Variants in GALK2 observed in about 807,000 individuals in gnomAD.
The protein encoded by GALK2 is N-acetylgalactosamine kinase.
In GALK2, 36 loss-of-function variants were observed where a neutral mutation model predicts 52.4. The ratio of observed to expected loss-of-function variants is 0.69; its 90% confidence interval spans 0.53 to 0.91. The LOEUF is 0.91. Among genes scored for constraint, GALK2 ranks in the 40% least tolerant of loss-of-function variants. The probability of loss-of-function intolerance (pLI) is 0.00; values close to 1 mark genes in which losing one functional copy is unlikely to be tolerated. For missense variants in GALK2, 579 were observed against 559.1 expected, an observed-to-expected ratio of 1.04 and a Z score of -0.36; for synonymous variants, 176 against 199.1, an observed-to-expected ratio of 0.88 and a Z score of 0.98.
At position 49,238,291 on chromosome 15, in the gene GALK2, A is replaced by G. The variant is rs539820075; in HGVS notation, c.358-930A>G. ...CAAAGGTTATGATATGATATCATCC[A>G]AAGTGTCCTAGTGTTAGAAAGTAAT... is the stretch of plus-strand genomic sequence containing the variant. On this transcript the variant is annotated intron_variant, in intron 4 of 9. Coordinates refer to ENST00000560031, the MANE Select transcript of GALK2 (RefSeq NM_002044.4). Among the ~76,000 whole-genome samples the G allele has an allele frequency of 1.3e-4, 20 of 152,360 alleles. 1 individual carries two copies. The South Asian group carries it at 3.9e-3, about 30-fold the overall frequency.
intron 8 of GALK2, among the ~76,000 whole-genome samples, chr15:49,311,623 T>G (rs1333663491): frequency 6.6e-6 from 1 of 152,238 alleles, no homozygotes; most frequent in African/African-American, 2.4e-5. Flanking sequence ...TAGACTTCAC[T>G]GGTTTAATTC....
At chr15:49,200,235 T>A (rs1212139188) in intron 1 of GALK2, among the ~76,000 whole-genome samples, 1 of 152,160 alleles carries the variant, frequency 6.6e-6, no homozygotes, top group Admixed American at 6.5e-5. Flanking sequence ...AATTCTCAAA[T>A]TTTAGGGAAG....
intron 3 of GALK2, among the ~76,000 whole-genome samples, chr15:49,218,942 C>A (rs1166943472): frequency 6.6e-6 from 1 of 152,190 alleles, no homozygotes; most frequent in Non-Finnish European, 1.5e-5. Flanking sequence ...TCTCCCACTT[C>A]AGTCTCCGGA....
intron 3 of GALK2, among the ~76,000 whole-genome samples, chr15:49,222,699 G>A (rs190978349): frequency 2.6e-5 from 4 of 152,294 alleles, no homozygotes; most frequent in African/African-American, 7.2e-5. Context: ...CACATTTAGT[G>A]ATTTGTGTTT....
At chr15:49,249,765 A>G (rs1220555051) in intron 5 of GALK2, among the ~76,000 whole-genome samples, 1 of 152,150 alleles carries the variant, frequency 6.6e-6, no homozygotes, top group Non-Finnish European at 1.5e-5. Context: ...AAAGAAATCA[A>G]TGTACTTTAT....
intron 5 of GALK2, among the ~76,000 whole-genome samples, chr15:49,247,736 A>AT (rs752435926): frequency 4.6e-5 from 7 of 152,180 alleles, no homozygotes; most frequent in Non-Finnish European, 1.0e-4. Flanking sequence ...GAGTGAACCC[A>AT]TAAGTGTATT....
chr15:49,188,658 A>G (rs1262933605), intron 1 of GALK2, among the ~76,000 whole-genome samples: 1 of 152,146 alleles, frequency 6.6e-6, no homozygotes, highest in Non-Finnish European at 1.5e-5. Context: ...TAGTTGTTCA[A>G]CTTGGTATTT....
chr15:49,355,272 T>C (rs1162908820), intron 3 of GALK2, among the ~76,000 whole-genome samples: 1 of 152,194 alleles, frequency 6.6e-6, no homozygotes, highest in African/African-American at 2.4e-5. Flanking sequence ...GAAGAAGGCT[T>C]CAGACTATCA....
chr15:49,203,740 A>G (rs1036471036), intron 2 of GALK2, among the ~76,000 whole-genome samples: 4 of 152,194 alleles, frequency 2.6e-5, no homozygotes, highest in Non-Finnish European at 1.5e-5. Context: ...ATTCTTTTGC[A>G]TATGGATATC....
intron 1 of GALK2, among the ~76,000 whole-genome samples, chr15:49,162,677 G>A (rs1024130994): frequency 1.3e-5 from 2 of 152,224 alleles, no homozygotes; most frequent in Admixed American, 1.3e-4. Context: ...TGATAGGAAA[G>A]ATGATCTCCT....
intron 1 of GALK2, chr15:49,161,811 T>C (rs1206104653): frequency 6.1e-6 from 1 of 163,110 alleles, no homozygotes. Context: ...CTCCGCCTCC[T>C]GGGTTCAAGC....
intron 1 of GALK2, among the ~76,000 whole-genome samples, chr15:49,176,417 T>C (rs2085463271): frequency 6.6e-6 from 1 of 152,250 alleles, no homozygotes; most frequent in Admixed American, 6.5e-5. Flanking sequence ...GTTCCTGGGT[T>C]GCAATCTTCA....
intron 1 of GALK2, among the ~76,000 whole-genome samples, chr15:49,173,230 A>G (rs1166406715): frequency 1.3e-5 from 2 of 152,232 alleles, no homozygotes; most frequent in Admixed American, 6.5e-5. Context: ...TCAGTACATC[A>G]TTTAACATGT....
intron 4 of GALK2, among the ~76,000 whole-genome samples, chr15:49,236,228 G>A (rs1025635170): frequency 6.6e-6 from 1 of 152,154 alleles, no homozygotes; most frequent in Admixed American, 6.5e-5. Context: ...TTGAGGATAT[G>A]TTTTAATACT....
intron 1 of GALK2, among the ~76,000 whole-genome samples, chr15:49,196,103 G>A (rs1409736255): frequency 6.6e-6 from 1 of 151,754 alleles, no homozygotes; most frequent in Non-Finnish European, 1.5e-5. Flanking sequence ...TCCTAAAACC[G>A]CAGGCTTTGA....
intron 5 of GALK2, among the ~76,000 whole-genome samples, chr15:49,274,158 T>C (rs1167612795): frequency 6.6e-6 from 1 of 152,150 alleles, no homozygotes; most frequent in African/African-American, 2.4e-5. Flanking sequence ...AATGGGGTAA[T>C]GGACTGAGAA....
At chr15:49,298,146 T>A (rs766131336) in intron 8 of GALK2, among the ~76,000 whole-genome samples, 36 of 152,188 alleles carry the variant, frequency 2.4e-4, no homozygotes, top group Non-Finnish European at 3.8e-4. Flanking sequence ...CTTGGTTAAC[T>A]ATATTCCTAA....
In GALK2 at chr15:49,239,382, T is replaced by C; in HGVS notation, c.504+15T>C. 6.2e-7 allele frequency: 1 copy of C among 1,612,138 alleles called. No individual in the cohort carries two copies. Among genetic ancestry groups the C allele is most frequent in the Non-Finnish European group, 8.5e-7 (1 of 1,178,648 alleles). On this transcript the variant is annotated intron_variant, in intron 5 of 9. Transcript: ENST00000560031. Reference sequence around the variant, plus strand: ...ATCTATCCAAGGTAACTACCTTTGATAGGAAACCTCATAGAACCCTCTCCT... The same window carrying C: ...ATCTATCCAAGGTAACTACCTTTGACAGGAAACCTCATAGAACCCTCTCCT...
At chr15:49,355,617 G>A (rs1238957682) in intron 3 of GALK2, among the ~76,000 whole-genome samples, 2 of 152,142 alleles carry the variant, frequency 1.3e-5, no homozygotes, top group Non-Finnish European at 2.9e-5. Context: ...CGTCTGACTG[G>A]TGTACCTGAA....
Sources: allele counts gnomAD v4.1 joint callset (sites outside exome capture counted in the v4.1 genomes callset), GRCh38; gene constraint gnomAD v4.1.1; transcripts MANE v1.5; gene names NCBI Gene and HGNC (gene_info 2026-07-23, HGNC 2026-07-21).